SPMIP2: variants seen among roughly 807,000 people sequenced by gnomAD.
SPMIP2 encodes the protein protein SPMIP2.
chr4:158,979,360 A>C, the SPMIP2 span, among the ~76,000 whole-genome samples: 1 of 152,102 alleles, frequency 6.6e-6, no homozygotes, highest in African/African-American at 2.4e-5. Flanking sequence ...CAGGGGAGTG[A>C]ATGGTTCTCT....
chr4:158,910,415 C>G, the SPMIP2 span, among the ~76,000 whole-genome samples: 1 of 152,114 alleles, frequency 6.6e-6, no homozygotes, highest in South Asian at 2.1e-4. Flanking sequence ...GTTGGGATTA[C>G]AGGCATGCAC....
chr4:158,963,529 C>A, the SPMIP2 span, among the ~76,000 whole-genome samples: 1 of 152,188 alleles, frequency 6.6e-6, no homozygotes, highest in Non-Finnish European at 1.5e-5. Context: ...TCAAGCTATT[C>A]ATCTGCCTCA....
the SPMIP2 span, among the ~76,000 whole-genome samples, chr4:159,004,068 G>T: frequency 6.6e-6 from 1 of 152,006 alleles, no homozygotes; most frequent in South Asian, 2.1e-4. Context: ...CCAGGCTGGA[G>T]CACAGTGGCG....
At chr4:158,943,858 CTT>C in the SPMIP2 span, among the ~76,000 whole-genome samples, 3 of 101,928 alleles carry the variant, frequency 2.9e-5, no homozygotes, top group Non-Finnish European at 3.6e-5. Context: ...TTGACATTTT[CTT>C]TTTTTTTTTT....
chr4:158,991,653 C>T, the SPMIP2 span, among the ~76,000 whole-genome samples: 1 of 152,170 alleles, frequency 6.6e-6, no homozygotes, highest in African/African-American at 2.4e-5. Flanking sequence ...ATTTTATTTG[C>T]TTCAGGTTTT....
chr4:158,927,918 C>G, the SPMIP2 span, among the ~76,000 whole-genome samples: 4 of 152,240 alleles, frequency 2.6e-5, no homozygotes, highest in African/African-American at 9.6e-5. Context: ...GATTTCTCGG[C>G]GGGCCTTAGC....
chr4:158,994,949 CAATGGGCCTAACCACTGAAAG>C, the SPMIP2 span, among the ~76,000 whole-genome samples: 1 of 152,190 alleles, frequency 6.6e-6, no homozygotes, highest in Non-Finnish European at 1.5e-5. Flanking sequence ...TACAATTATG[CAATGGGCCTAACCACTGAAAG>C]AACTGAAAGG....
the SPMIP2 span, among the ~76,000 whole-genome samples, chr4:158,949,409 A>C: frequency 6.6e-6 from 1 of 152,224 alleles, no homozygotes; most frequent in African/African-American, 2.4e-5. Flanking sequence ...TAACAACACT[A>C]TCTATACAAC....
the SPMIP2 span, among the ~76,000 whole-genome samples, chr4:159,010,961 ACT>A: frequency 2.6e-5 from 4 of 152,124 alleles, no homozygotes; most frequent in East Asian, 1.9e-4. Context: ...ATCGAATTTT[ACT>A]CTCTCTTCTT....
chr4:159,048,353 G>T, the SPMIP2 span, among the ~76,000 whole-genome samples: 1 of 152,206 alleles, frequency 6.6e-6, no homozygotes, highest in Admixed American at 6.5e-5. Flanking sequence ...TGCCGTCATT[G>T]TGCTGCTCTC....
the SPMIP2 span, among the ~76,000 whole-genome samples, chr4:158,935,268 CTTCTT>C: frequency 5.3e-5 from 8 of 152,208 alleles, no homozygotes; most frequent in Non-Finnish European, 1.0e-4. Context: ...CCTCCACACT[CTTCTT>C]TTAATTTCCC....
chr4:158,970,617 G>A, the SPMIP2 span, among the ~76,000 whole-genome samples: 5 of 152,042 alleles, frequency 3.3e-5, no homozygotes, highest in Non-Finnish European at 7.4e-5. Context: ...GATGTAGAGG[G>A]AGAGATGAGT....
At chr4:158,974,632 T>G in the SPMIP2 span, among the ~76,000 whole-genome samples, 2 of 152,232 alleles carry the variant, frequency 1.3e-5, no homozygotes, top group Non-Finnish European at 2.9e-5. Context: ...CCAAAGGATA[T>G]GAACTCATTC....
chr4:159,038,920 C>T, the SPMIP2 span, among the ~76,000 whole-genome samples: 6 of 152,154 alleles, frequency 3.9e-5, no homozygotes, highest in East Asian at 3.8e-4. Context: ...GGAGGTGAGG[C>T]TGGAGCTTTG....
the SPMIP2 span, among the ~76,000 whole-genome samples, chr4:159,027,381 T>C: frequency 1.3e-5 from 2 of 152,210 alleles, no homozygotes; most frequent in East Asian, 3.8e-4. Flanking sequence ...TGAAGAATCA[T>C]GGTAAGGACA....
the SPMIP2 span, among the ~76,000 whole-genome samples, chr4:158,964,865 C>T: frequency 1.3e-5 from 2 of 152,166 alleles, no homozygotes; most frequent in African/African-American, 4.8e-5. Flanking sequence ...CCTTATCAAA[C>T]CATCAGATCT....
At chr4:158,928,164 CCT>C in the SPMIP2 span, among the ~76,000 whole-genome samples, 2 of 152,214 alleles carry the variant, frequency 1.3e-5, no homozygotes, top group Non-Finnish European at 2.9e-5. Flanking sequence ...CAGCTGGGCT[CCT>C]GAGTCTGGTG....
chr4:158,966,980 G>A, the SPMIP2 span, among the ~76,000 whole-genome samples: 2 of 152,156 alleles, frequency 1.3e-5, no homozygotes, highest in South Asian at 2.1e-4. Flanking sequence ...TGGCAGCATC[G>A]CTGGCTACCA....
At chr4:159,066,867 A>G in the SPMIP2 span, among the ~76,000 whole-genome samples, 1 of 152,202 alleles carries the variant, frequency 6.6e-6, no homozygotes, top group Non-Finnish European at 1.5e-5. Flanking sequence ...ATAGCTATTC[A>G]GCGCTGCCTT....
Sources: gnomAD v4.1 joint callset for allele counts (sites outside exome capture counted in the v4.1 genomes callset) on GRCh38, gnomAD v4.1.1 for gene constraint, MANE v1.5 for transcripts, NCBI Gene and HGNC (gene_info 2026-07-23, HGNC 2026-07-21) for gene names.